KCTD8: variants seen among roughly 807,000 people sequenced by gnomAD.
KCTD8 encodes the protein BTB/POZ domain-containing protein KCTD8.
KCTD8 carries 27 observed loss-of-function variants against 31.5 expected under a neutral mutation model. The ratio of observed to expected loss-of-function variants is 0.86; its 90% CI spans 0.63 to 1.18. KCTD8 has a LOEUF of 1.18. Among genes scored for constraint, KCTD8 ranks in the 50% most tolerant of loss-of-function variants. KCTD8 has a pLI of 0.00. For missense variants in KCTD8, 658 were observed against 647.7 expected, an observed-to-expected ratio of 1.02 and a Z score of -0.17; for synonymous variants, 290 against 280.0, an observed-to-expected ratio of 1.04 and a Z score of -0.36.
At chr4:44,353,439 C>T (rs1719264822) in intron 1 of KCTD8, among the ~76,000 whole-genome samples, 1 of 151,720 alleles carries the variant, frequency 6.6e-6, no homozygotes, top group African/African-American at 2.4e-5. Flanking sequence ...ATTAATGTAT[C>T]CAGCATCTCA....
chr4:44,328,131 T>A (rs1279348315), intron 1 of KCTD8, among the ~76,000 whole-genome samples: 1 of 152,042 alleles, frequency 6.6e-6, no homozygotes, highest in South Asian at 2.1e-4. Flanking sequence ...ATTAGAATTA[T>A]TTCCTGTAGA....
chr4:44,269,586 C>G (rs1359766425), intron 1 of KCTD8, among the ~76,000 whole-genome samples: 1 of 152,010 alleles, frequency 6.6e-6, no homozygotes, highest in African/African-American at 2.4e-5. Flanking sequence ...AAGAAACTAC[C>G]ATCAGAGTGA....
At chr4:44,260,369 G>A (rs1449343161) in intron 1 of KCTD8, among the ~76,000 whole-genome samples, 2 of 151,828 alleles carry the variant, frequency 1.3e-5, no homozygotes, top group Admixed American at 6.6e-5. Context: ...CAGGAAAAGT[G>A]CTTTCAAGGG....
chr4:44,391,366 T>C (rs1015643980), intron 1 of KCTD8, among the ~76,000 whole-genome samples: 5 of 151,752 alleles, frequency 3.3e-5, no homozygotes, highest in African/African-American at 1.2e-4. Context: ...GCCTCTTCTG[T>C]CTCCCATTCT....
chr4:44,274,371 T>G (rs928035687), intron 1 of KCTD8, among the ~76,000 whole-genome samples: 3 of 151,902 alleles, frequency 2.0e-5, no homozygotes, highest in Non-Finnish European at 4.4e-5. Flanking sequence ...TTGCAGTTTT[T>G]GCCATTACTT....
intron 1 of KCTD8, among the ~76,000 whole-genome samples, chr4:44,327,044 A>T (rs1192727076): frequency 6.6e-6 from 1 of 151,900 alleles, no homozygotes; most frequent in Non-Finnish European, 1.5e-5. Context: ...TTCAAGGAAG[A>T]TTTGTTCCTG....
intron 1 of KCTD8, among the ~76,000 whole-genome samples, chr4:44,342,366 CAAA>C (rs34201696): frequency 1.8e-4 from 16 of 87,524 alleles, no homozygotes; most frequent in East Asian, 9.1e-4. Context: ...AAGACTGTCT[CAAA>C]AAAAAAAAAA....
chr4:44,293,787 T>C (rs1446965965), intron 1 of KCTD8: 2 of 450,332 alleles, frequency 4.4e-6, no homozygotes, highest in East Asian at 7.0e-5. Flanking sequence ...TATTTTAGCA[T>C]TTTGAACTTA....
intron 1 of KCTD8, among the ~76,000 whole-genome samples, chr4:44,336,139 G>T (rs372211680): frequency 2.2e-5 from 2 of 90,086 alleles, no homozygotes; most frequent in South Asian, 4.2e-4. Context: ...GACAGAGCGA[G>T]ACTCCGTCTC....
At chr4:44,375,021 G>A (rs938815772) in intron 1 of KCTD8, among the ~76,000 whole-genome samples, 10 of 152,210 alleles carry the variant, frequency 6.6e-5, no homozygotes, top group Middle Eastern at 3.4e-3. Flanking sequence ...GAAATAAAGT[G>A]CAGTAAAACA....
intron 1 of KCTD8, among the ~76,000 whole-genome samples, chr4:44,324,207 G>C (rs1214444536): frequency 6.6e-6 from 1 of 151,912 alleles, no homozygotes; most frequent in African/African-American, 2.4e-5. Flanking sequence ...CAACTTTAGG[G>C]ATGGTTTTTC....
At chr4:44,265,762 C>A (rs1320315578) in intron 1 of KCTD8, among the ~76,000 whole-genome samples, 1 of 152,048 alleles carries the variant, frequency 6.6e-6, no homozygotes, top group Non-Finnish European at 1.5e-5. Flanking sequence ...GCCTCAGGAG[C>A]CGACGCAATC....
At chr4:44,426,951 A>C (rs537185576) in intron 1 of KCTD8, among the ~76,000 whole-genome samples, 74 of 151,904 alleles carry the variant, frequency 4.9e-4, no homozygotes, top group African/African-American at 1.8e-3. Flanking sequence ...ACTGTATTAA[A>C]ATATGATAAA....
At chr4:44,344,532 T>C (rs1015848161) in intron 1 of KCTD8, among the ~76,000 whole-genome samples, 8 of 152,186 alleles carry the variant, frequency 5.3e-5, no homozygotes, top group African/African-American at 1.4e-4. Flanking sequence ...CAAACTACTA[T>C]GGAACTGTCA....
chr4:44,223,093 A>G (rs1167728710), intron 1 of KCTD8, among the ~76,000 whole-genome samples: 1 of 152,224 alleles, frequency 6.6e-6, no homozygotes, highest in African/African-American at 2.4e-5. Context: ...ATCCAGATGA[A>G]AAATGATAGT....
chr4:44,244,847 T>TGG (rs58257678), intron 1 of KCTD8, among the ~76,000 whole-genome samples: 410 of 132,624 alleles, frequency 3.1e-3, no homozygotes, highest in South Asian at 7.1e-3. Flanking sequence ...CCTGTAGTTG[T>TGG]GGGGGGGGGG....
chr4:44,317,795 C>G (rs1431447065), intron 1 of KCTD8, among the ~76,000 whole-genome samples: 1 of 152,174 alleles, frequency 6.6e-6, no homozygotes, highest in African/African-American at 2.4e-5. Context: ...GAAAGCTACC[C>G]TTAACTTCTG....
chr4:44,363,750 A>G (rs183338323), intron 1 of KCTD8, among the ~76,000 whole-genome samples: 13 of 152,268 alleles, frequency 8.5e-5, no homozygotes, highest in Non-Finnish European at 1.9e-4. Context: ...AGATAGCTAA[A>G]CATTCATATC....
chr4:44,249,479 T>C lies in KCTD8; in HGVS notation c.962-74229A>G, dbSNP rs115139434. On this transcript the variant is annotated intron_variant, in intron 1 of 1. Coordinates refer to ENST00000360029, the MANE Select transcript of KCTD8 (RefSeq NM_198353.3). ...TGTAAAGAGTGAAATAATAAATAATTTAGAATTTTCAGGCCATAAGGTCTC... is the reference window on the plus strand; with the variant it reads ...TGTAAAGAGTGAAATAATAAATAATCTAGAATTTTCAGGCCATAAGGTCTC... 6.9e-3 allele frequency among the ~76,000 whole-genome samples: 1,054 copies of C among 151,836 alleles called. 11 individuals are homozygous for C. The highest frequency in any genetic ancestry group is 0.024 in the African/African-American group (1,004 of 41,462).
Sources: gnomAD v4.1 joint callset for allele counts (sites outside exome capture counted in the v4.1 genomes callset) on GRCh38, gnomAD v4.1.1 for gene constraint, MANE v1.5 for transcripts, NCBI Gene and HGNC (gene_info 2026-07-23, HGNC 2026-07-21) for gene names.